Variants in IFT56 observed in about 807,000 individuals in gnomAD.
The protein encoded by IFT56 is intraflagellar transport protein 56.
the IFT56 span, among the ~76,000 whole-genome samples, chr7:139,188,247 C>T: frequency 3.3e-5 from 5 of 151,834 alleles, no homozygotes; most frequent in East Asian, 3.9e-4. Flanking sequence ...ATTACAGGCA[C>T]GTGCCACCAT....
At chr7:139,157,047 A>G in the IFT56 span, among the ~76,000 whole-genome samples, 3 of 151,798 alleles carry the variant, frequency 2.0e-5, no homozygotes, top group Non-Finnish European at 4.4e-5. Flanking sequence ...CTTTGAATCC[A>G]TGGATGAGTT....
the IFT56 span, among the ~76,000 whole-genome samples, chr7:139,140,509 G>A: frequency 1.3e-5 from 2 of 152,162 alleles, no homozygotes; most frequent in Non-Finnish European, 2.9e-5. Context: ...GCTGGGTGCG[G>A]TGGCTCACGC....
chr7:139,172,919 G>A, the IFT56 span: 11 of 717,004 alleles, frequency 1.5e-5, no homozygotes, highest in Middle Eastern at 2.5e-4. Context: ...TTTTCCAGGT[G>A]CAGGAACAGC....
chr7:139,147,033 G>T, the IFT56 span: 1 of 1,550,114 alleles, frequency 6.5e-7, no homozygotes, highest in Non-Finnish European at 8.7e-7. Context: ...GAAGAAGAGA[G>T]AGACACAATG....
chr7:139,136,214 C>T, the IFT56 span, among the ~76,000 whole-genome samples: 8 of 152,088 alleles, frequency 5.3e-5, no homozygotes, highest in African/African-American at 1.9e-4. Context: ...TGTGGGCCAC[C>T]GCGCCCGGCC....
the IFT56 span, among the ~76,000 whole-genome samples, chr7:139,141,812 G>T: frequency 3.9e-5 from 6 of 152,172 alleles, no homozygotes; most frequent in Non-Finnish European, 7.3e-5. Context: ...AGGAAAATAT[G>T]GCAGTATAAT....
At chr7:139,185,767 A>C in the IFT56 span, among the ~76,000 whole-genome samples, 1 of 152,040 alleles carries the variant, frequency 6.6e-6, no homozygotes, top group African/African-American at 2.4e-5. Context: ...AGTAAGATGT[A>C]CATGGATGTT....
the IFT56 span, chr7:139,137,865 G>A: frequency 1.9e-6 from 3 of 1,612,944 alleles, no homozygotes; most frequent in East Asian, 2.2e-5. Flanking sequence ...TCATGTTGGG[G>A]AAGAAGAAGA....
the IFT56 span, chr7:139,168,583 A>G: frequency 4.0e-6 from 2 of 505,072 alleles, no homozygotes; most frequent in East Asian, 6.4e-5. Flanking sequence ...AAAAAAAAAC[A>G]AAAAAAAAAC....
chr7:139,183,467 G>A, the IFT56 span, among the ~76,000 whole-genome samples: 3 of 152,126 alleles, frequency 2.0e-5, no homozygotes, highest in African/African-American at 7.2e-5. Flanking sequence ...AAGCATATGT[G>A]TGAGGTCCTT....
At chr7:139,138,834 G>A in the IFT56 span, among the ~76,000 whole-genome samples, 2 of 138,108 alleles carry the variant, frequency 1.4e-5, no homozygotes, top group East Asian at 2.1e-4. Context: ...TTTTTGATAC[G>A]GAGTCTTGCT....
At chr7:139,140,339 T>A in the IFT56 span, among the ~76,000 whole-genome samples, 1 of 152,200 alleles carries the variant, frequency 6.6e-6, no homozygotes, top group Non-Finnish European at 1.5e-5. Context: ...CTGTGGACTT[T>A]ATCGCTGCTT....
chr7:139,169,855 A>G, the IFT56 span, among the ~76,000 whole-genome samples: 1 of 152,190 alleles, frequency 6.6e-6, no homozygotes, highest in South Asian at 2.1e-4. Context: ...TATAAGTAAT[A>G]ATAAAAAAAT....
chr7:139,137,376 C>A, the IFT56 span, among the ~76,000 whole-genome samples: 1 of 152,148 alleles, frequency 6.6e-6, no homozygotes, highest in Non-Finnish European at 1.5e-5. Flanking sequence ...TAAATATATG[C>A]GTGTGTTAAT....
At chr7:139,141,256 G>GAA in the IFT56 span, among the ~76,000 whole-genome samples, 2 of 127,816 alleles carry the variant, frequency 1.6e-5, no homozygotes, top group Non-Finnish European at 1.8e-5. Context: ...ACAAGACTCT[G>GAA]AAAAAAAAAA....
chr7:139,191,840 A>T, the IFT56 span: 1 of 152,228 alleles, frequency 6.6e-6, no homozygotes, highest in Non-Finnish European at 1.5e-5. Context: ...AAATATGTAC[A>T]GTTTCTGGCA....
At chr7:139,168,345 A>G in the IFT56 span, 1 of 1,600,394 alleles carries the variant, frequency 6.2e-7, no homozygotes, top group Non-Finnish European at 8.5e-7. Context: ...TGTTTCTAGG[A>G]GTATATTCTC....
At chr7:139,147,071 A>G in the IFT56 span, 5 of 1,594,946 alleles carry the variant, frequency 3.1e-6, no homozygotes, top group African/African-American at 2.7e-5. Flanking sequence ...TAAAATCTCT[A>G]TCACATAGAT....
chr7:139,163,273 C>T, the IFT56 span, among the ~76,000 whole-genome samples: 4 of 139,126 alleles, frequency 2.9e-5, no homozygotes, highest in East Asian at 4.4e-4. Context: ...ACCCGGGAGG[C>T]GAAGCTTGCA....
Sources: gnomAD v4.1 joint callset for allele counts (sites outside exome capture counted in the v4.1 genomes callset) on GRCh38, gnomAD v4.1.1 for gene constraint, MANE v1.5 for transcripts, NCBI Gene and HGNC (gene_info 2026-07-23, HGNC 2026-07-21) for gene names.